The following CHN2 variants were observed in gnomAD, a reference collection of about 807,000 sequenced individuals.
CHN2 encodes beta-chimaerin.
Under a neutral mutation model 56.3 loss-of-function variants are expected in CHN2, and 35 were observed. The observed-to-expected ratio is 0.62, with a 90% CI of 0.47 to 0.82. The LOEUF is 0.82. Ranked by LOEUF, CHN2 falls within the 40% of genes least tolerant of loss-of-function variation. The probability of loss-of-function intolerance (pLI) is 0.00; values close to 1 mark genes in which losing one functional copy is unlikely to be tolerated. For synonymous variants in CHN2, 210 were observed against 212.8 expected, an observed-to-expected ratio of 0.99 and a Z score of 0.12; for missense variants, 491 against 580.5, an observed-to-expected ratio of 0.85 and a Z score of 1.58.
chr7:29,173,105 T>C (rs1796820018), intron 2 of CHN2, among the ~76,000 whole-genome samples: 1 of 144,670 alleles, frequency 6.9e-6, no homozygotes, highest in Admixed American at 7.0e-5. Context: ...TACTCCAGCC[T>C]GGGTGACAGA....
At chr7:29,266,372 A>G (rs77299366) in intron 1 of CHN2, among the ~76,000 whole-genome samples, 4,123 of 152,332 alleles carry the variant, frequency 0.027, 78 homozygotes, top group Non-Finnish European at 0.037. Flanking sequence ...ATTACCTTCT[A>G]ATAGGAAGAG....
chr7:29,467,669 A>C (rs1266065819), intron 6 of CHN2, among the ~76,000 whole-genome samples: 1 of 152,226 alleles, frequency 6.6e-6, no homozygotes, highest in Non-Finnish European at 1.5e-5. Flanking sequence ...GCAGAATCAC[A>C]TGAAGTTTAA....
chr7:29,263,684 C>G (rs1464716697), intron 1 of CHN2, among the ~76,000 whole-genome samples: 2 of 150,380 alleles, frequency 1.3e-5, no homozygotes, highest in Admixed American at 6.6e-5. Flanking sequence ...GCCGTCATCC[C>G]GTCTAGGAAG....
At chr7:29,290,297 A>C (rs1301297014) in intron 1 of CHN2, among the ~76,000 whole-genome samples, 1 of 152,222 alleles carries the variant, frequency 6.6e-6, no homozygotes, top group East Asian at 1.9e-4. Flanking sequence ...GCTTTTATGC[A>C]AAGGAACCCA....
chr7:29,420,378 T>TATGG (rs1336319401), intron 6 of CHN2, among the ~76,000 whole-genome samples: 1 of 152,204 alleles, frequency 6.6e-6, no homozygotes, highest in Non-Finnish European at 1.5e-5. Flanking sequence ...CTCAAGTGTC[T>TATGG]ATGGATGGAT....
intron 1 of CHN2, chr7:29,200,617 C>T (rs1784086697): frequency 6.6e-6 from 1 of 151,934 alleles, no homozygotes; most frequent in Admixed American, 6.6e-5. Flanking sequence ...GCTTTTCCTT[C>T]CCTTTGGCCC....
At chr7:29,357,498 A>C (rs1585149511) in intron 2 of CHN2, among the ~76,000 whole-genome samples, 2 of 152,244 alleles carry the variant, frequency 1.3e-5, no homozygotes, top group East Asian at 3.8e-4. Context: ...CATTTGTTTA[A>C]TCTTTCAGCA....
chr7:29,477,690 A>T (rs1786710552), intron 6 of CHN2, among the ~76,000 whole-genome samples: 1 of 152,366 alleles, frequency 6.6e-6, no homozygotes, highest in Admixed American at 6.5e-5. Context: ...GTTGTCCTTC[A>T]GAATGGGACA....
chr7:29,432,202 G>A (rs997301293), intron 6 of CHN2, among the ~76,000 whole-genome samples: 1 of 151,926 alleles, frequency 6.6e-6, no homozygotes, highest in Non-Finnish European at 1.5e-5. Context: ...GCCTTTTGAC[G>A]GTGTGCCTCA....
At chr7:29,469,787 A>G (rs1785874428) in intron 6 of CHN2, among the ~76,000 whole-genome samples, 1 of 152,128 alleles carries the variant, frequency 6.6e-6, no homozygotes, top group South Asian at 2.1e-4. Flanking sequence ...TATACAATGT[A>G]CTTCTTAGTT....
chr7:29,491,902 A>G (rs1212522288), intron 7 of CHN2, among the ~76,000 whole-genome samples: 2 of 152,212 alleles, frequency 1.3e-5, no homozygotes, highest in Admixed American at 6.5e-5. Flanking sequence ...TAAGTCCCCT[A>G]CAGTTAGTCA....
At chr7:29,182,635 G>A (rs974035804) in intron 2 of CHN2, among the ~76,000 whole-genome samples, 1 of 152,020 alleles carries the variant, frequency 6.6e-6, no homozygotes. Flanking sequence ...ACACAATTAC[G>A]TACACTCATG....
chr7:29,286,948 T>C (rs1792195674), intron 1 of CHN2, among the ~76,000 whole-genome samples: 1 of 152,138 alleles, frequency 6.6e-6, no homozygotes, highest in South Asian at 2.1e-4. Context: ...AGTGTTTTAG[T>C]TGTGGTTAAA....
At chr7:29,198,171 A>G (rs926860079) in intron 1 of CHN2, among the ~76,000 whole-genome samples, 4 of 152,210 alleles carry the variant, frequency 2.6e-5, no homozygotes, top group African/African-American at 7.2e-5. Flanking sequence ...TGGGCAATTG[A>G]GCAGTGAAAA....
chr7:29,455,648 G>A (rs1394010469), intron 6 of CHN2, among the ~76,000 whole-genome samples: 1 of 152,174 alleles, frequency 6.6e-6, no homozygotes, highest in Non-Finnish European at 1.5e-5. Flanking sequence ...ATTCAGCTAA[G>A]CCATGCCTGT....
At chr7:29,488,212 C>T (rs1032840575) in intron 7 of CHN2, among the ~76,000 whole-genome samples, 8 of 152,148 alleles carry the variant, frequency 5.3e-5, no homozygotes, top group East Asian at 1.9e-4. Context: ...GCTGTGTTTT[C>T]GTACATCTGA....
chr7:29,353,301 A>G (rs1250076278), intron 1 of CHN2, among the ~76,000 whole-genome samples: 1 of 152,214 alleles, frequency 6.6e-6, no homozygotes, highest in South Asian at 2.1e-4. Context: ...TATAAAGAGC[A>G]TATTTGTTTC....
chr7:29,202,683 A>T (rs990032308), intron 1 of CHN2, among the ~76,000 whole-genome samples: 1 of 152,204 alleles, frequency 6.6e-6, no homozygotes, highest in African/African-American at 2.4e-5. Context: ...TTCTCATCGG[A>T]GGCCCAGTTC....
intron 1 of CHN2, among the ~76,000 whole-genome samples, chr7:29,353,352 T>C (rs1798028144): frequency 6.6e-6 from 1 of 152,222 alleles, no homozygotes; most frequent in South Asian, 2.1e-4. Context: ...TCTTCGTGAA[T>C]GAGTTCAGAA....
Sources: gnomAD v4.1 joint callset for allele counts (sites outside exome capture counted in the v4.1 genomes callset) on GRCh38, gnomAD v4.1.1 for gene constraint, MANE v1.5 for transcripts, NCBI Gene and HGNC (gene_info 2026-07-23, HGNC 2026-07-21) for gene names.